Variants in DIAPH2 observed in about 807,000 individuals in gnomAD.
DIAPH2 encodes the protein diaphanous related formin 2.
DIAPH2 carries 35 observed loss-of-function variants against 92.7 expected under a neutral mutation model. That is an observed-to-expected ratio of 0.38 (90% confidence interval 0.29 to 0.50). DIAPH2 has a LOEUF of 0.50. Among genes scored for constraint, DIAPH2 ranks in the 20% least tolerant of loss-of-function variants. DIAPH2 has a pLI of 0.94. For missense variants in DIAPH2, 701 were observed against 819.5 expected (o/e 0.86, Z 1.77); for synonymous variants, 301 against 280.4 (o/e 1.07, Z -0.73).
At chrX:97,431,631 A>C (rs1402331080) in intron 26 of DIAPH2, 2 of 112,810 alleles carry the variant, frequency 1.8e-5, no homozygotes, top group African/African-American at 6.4e-5. Context: ...TGCCTCCATG[A>C]ACACATAGGG....
intron 4 of DIAPH2, among the ~76,000 whole-genome samples, chrX:96,817,117 C>CA (rs1002395734): frequency 2.7e-5 from 3 of 110,936 alleles, no homozygotes; most frequent in African/African-American, 9.9e-5. Context: ...TTAATGTGTA[C>CA]AAAAAAATAG....
chrX:97,222,131 A>G (rs1269688022), intron 22 of DIAPH2, among the ~76,000 whole-genome samples: 2 of 110,277 alleles, frequency 1.8e-5, no homozygotes, highest in African/African-American at 6.6e-5. Flanking sequence ...TTGTTCCTTC[A>G]TTTTGTTTAT....
At chrX:97,335,658 T>C (rs935652343) in intron 23 of DIAPH2, among the ~76,000 whole-genome samples, 18 of 112,051 alleles carry the variant, frequency 1.6e-4, no homozygotes, top group Non-Finnish European at 3.0e-4. Context: ...ATTTATCAAA[T>C]GTACTTTAAT....
chrX:97,138,358 G>A (rs1480785607), intron 21 of DIAPH2, among the ~76,000 whole-genome samples: 2 of 95,496 alleles, frequency 2.1e-5, no homozygotes, highest in African/African-American at 7.6e-5. Context: ...ATAATATAAC[G>A]TTTGTGTGTA....
intron 22 of DIAPH2, among the ~76,000 whole-genome samples, chrX:97,181,131 G>C (rs1317340595): frequency 9.0e-6 from 1 of 110,550 alleles, no homozygotes; most frequent in East Asian, 2.9e-4. Context: ...GTGCAGTGGT[G>C]TGATCTCGGC....
At chrX:97,458,843 G>C (rs1264218990) in intron 26 of DIAPH2, among the ~76,000 whole-genome samples, 1 of 111,709 alleles carries the variant, frequency 9.0e-6, no homozygotes, top group African/African-American at 3.3e-5. Context: ...CTTTTTGTCA[G>C]TAAGTTGTTG....
intron 25 of DIAPH2, among the ~76,000 whole-genome samples, chrX:97,402,927 G>A (rs1404215908): frequency 1.8e-5 from 2 of 112,388 alleles, no homozygotes; most frequent in Non-Finnish European, 3.8e-5. Flanking sequence ...AGTTTATGAT[G>A]TTACAGATGA....
rs944859172 is a variant in DIAPH2, at chrX:97,297,972, A to G, written c.2844+50133A>G. Reference sequence around the variant, plus strand: ...TACCAGTCAGTCTTCTAGCCAAACAAAAATAAGACACATTTGCACAGCTTT... The same window carrying G: ...TACCAGTCAGTCTTCTAGCCAAACAGAAATAAGACACATTTGCACAGCTTT... On this transcript the variant is annotated intron_variant, in intron 23 of 26. Coordinates refer to ENST00000324765, the MANE Select transcript of DIAPH2 (RefSeq NM_006729.5). 3.7e-5 allele frequency among the ~76,000 whole-genome samples: 4 copies of G among 109,347 alleles called. No individual in the cohort carries two copies. In the Admixed American group the frequency reaches 4.0e-4, roughly 11 times the overall value. 95.0% of individuals were successfully genotyped at this position (109,347 alleles called of 115,157 possible).
intron 15 of DIAPH2, among the ~76,000 whole-genome samples, chrX:96,951,144 C>G (rs2065772049): frequency 9.0e-6 from 1 of 110,682 alleles, no homozygotes; most frequent in African/African-American, 3.3e-5. Context: ...CCACAGCACC[C>G]TTTATCTCAG....
chrX:97,446,418 A>G (rs982674126), intron 26 of DIAPH2, among the ~76,000 whole-genome samples: 1 of 111,995 alleles, frequency 8.9e-6, no homozygotes, highest in South Asian at 3.7e-4. Context: ...AATTCAGTCA[A>G]AATAGTTCTT....
At chrX:96,839,725 G>A (rs1202478318) in intron 4 of DIAPH2, among the ~76,000 whole-genome samples, 1 of 111,879 alleles carries the variant, frequency 8.9e-6, no homozygotes, top group Non-Finnish European at 1.9e-5. Context: ...TAAATTTCAT[G>A]TTCTTAAAAT....
intron 5 of DIAPH2, 140 bp downstream of exon 5, chrX:96,881,858 T>C: frequency 1.7e-6 from 1 of 598,808 alleles, no homozygotes; most frequent in Admixed American, 4.3e-5. Flanking sequence ...CAGCATCTGA[T>C]TGTGAAGTCG....
intron 17 of DIAPH2, among the ~76,000 whole-genome samples, chrX:96,995,062 A>C (rs1283379295): frequency 8.9e-6 from 1 of 111,925 alleles, no homozygotes; most frequent in African/African-American, 3.2e-5. Flanking sequence ...CCAGCAAAGA[A>C]AATGCCAACA....
rs1387584258 is a variant in DIAPH2, at chrX:97,276,055, A to T, written c.2844+28216A>T. ...CTCGGGAGGCCGAGGCTGGCAGATC[A>T]CTCGCGGTTAAGAGCTGGAGACCAG... On this transcript the variant is annotated intron_variant, in intron 23 of 26. Coordinates refer to ENST00000324765, the MANE Select transcript of DIAPH2 (RefSeq NM_006729.5). 5.3e-5 allele frequency among the ~76,000 whole-genome samples: 6 copies of T among 112,648 alleles called. No individual in the cohort carries two copies. The East Asian group carries it at 1.7e-3, about 32-fold the overall frequency.
chrX:97,379,128 T>C (rs2069529390), intron 24 of DIAPH2, among the ~76,000 whole-genome samples: 1 of 111,008 alleles, frequency 9.0e-6, no homozygotes, highest in African/African-American at 3.3e-5. Flanking sequence ...TTTTCATGAG[T>C]GCCAAGTTAC....
At chrX:96,712,984 C>T (rs868705859) in intron 1 of DIAPH2, among the ~76,000 whole-genome samples, 59 of 111,027 alleles carry the variant, frequency 5.3e-4, no homozygotes, top group African/African-American at 1.9e-3. Flanking sequence ...TTATGCTATT[C>T]GATCCCACTC....
intron 4 of DIAPH2, among the ~76,000 whole-genome samples, chrX:96,874,736 T>A (rs2065167376): frequency 1.8e-5 from 2 of 112,073 alleles, no homozygotes; most frequent in African/African-American, 6.5e-5. Context: ...TATCACCTTT[T>A]TGTTTCCTCT....
chrX:97,604,050 TG>T lies in DIAPH2; in HGVS notation c.*4734del, dbSNP rs1258196333. 8.9e-6 allele frequency: 1 copy of T among 112,620 alleles called. No homozygotes were observed. 9.3% of individuals were successfully genotyped at this position (112,620 alleles called of 1,213,427 possible). A position where few individuals can be genotyped will look rare whatever the true frequency, so the allele number is the denominator to read the frequency against. ...AAACAATAGAAATTTATTATCTTGT[TG>T]TTTTGGAGGCCAAAAGTCCAAAATT... On this transcript the variant is annotated 3_prime_UTR_variant, in exon 27 of 27. Transcript: ENST00000324765.
chrX:97,429,852 C>CT, intron 26 of DIAPH2, 107 bp downstream of exon 26: 5 of 757,553 alleles, frequency 6.6e-6, no homozygotes, highest in Non-Finnish European at 9.2e-6. Context: ...CTCATGAAGA[C>CT]TTTTTTTAAC....
Sources: gnomAD v4.1 joint callset for allele counts (sites outside exome capture counted in the v4.1 genomes callset) on GRCh38, gnomAD v4.1.1 for gene constraint, MANE v1.5 for transcripts, NCBI Gene and HGNC (gene_info 2026-07-23, HGNC 2026-07-21) for gene names.